TASOR: variants seen among roughly 807,000 people sequenced by gnomAD.
The protein encoded by TASOR is protein TASOR.
Under a neutral mutation model 178.6 loss-of-function variants are expected in TASOR, and 53 were observed. The ratio of observed to expected loss-of-function variants is 0.30; its 90% CI spans 0.24 to 0.37. The LOEUF (loss-of-function observed/expected upper bound fraction) is 0.37. TASOR is among the 10% of genes least tolerant of loss of function. The pLI is 1.00. For synonymous variants in TASOR, 713 were observed against 696.2 expected, an observed-to-expected ratio of 1.02 and a Z score of -0.38; for missense variants, 1,815 against 1,971.4, an observed-to-expected ratio of 0.92 and a Z score of 1.50.
At chr3:56,644,201 TGA>T (rs1194629756) in intron 14 of TASOR, among the ~76,000 whole-genome samples, 1 of 152,240 alleles carries the variant, frequency 6.6e-6, no homozygotes, top group African/African-American at 2.4e-5. Context: ...TTAACTTATC[TGA>T]GATGATTTTC....
intron 8 of TASOR, 133 bp downstream of exon 8, chr3:56,663,408 G>C (rs946220349): frequency 2.3e-6 from 1 of 427,570 alleles, no homozygotes; most frequent in African/African-American, 2.1e-5. Flanking sequence ...AACCAAATGC[G>C]CTGATGCTAC....
At chr3:56,651,283 A>G (rs1352902510) in intron 11 of TASOR, among the ~76,000 whole-genome samples, 1 of 151,792 alleles carries the variant, frequency 6.6e-6, no homozygotes, top group African/African-American at 2.4e-5. Context: ...AAAAAAAAAG[A>G]TATTAATCCA....
rs750753132 is a variant in TASOR, at chr3:56,633,716, G to A, written c.3075C>T (p.Tyr1025=). ...ETTERTVLGE[Y]NLFSRKIEEI... is the part of the protein sequence containing the mutation. ...CTTCTATCTTCCTAGAAAAGAGATTGTACTCTCCTAACACTGTCCTCTCTG... is the reference window on the plus strand; with the variant it reads ...CTTCTATCTTCCTAGAAAAGAGATTATACTCTCCTAACACTGTCCTCTCTG... The change falls in exon 18 of 24, where the codon TAC becomes TAT. Residue 1025 remains tyrosine, a synonymous_variant. Transcript: ENST00000683822. 3.7e-6 allele frequency: 6 copies of A among 1,614,072 alleles called. No individual in the cohort carries two copies. The highest frequency in any genetic ancestry group is 2.2e-5 in the South Asian group (2 of 91,074).
Position 56,622,391 on chromosome 3 carries a change from T to C in TASOR, c.*646A>G, listed in dbSNP as rs1333664021. 6.6e-6 allele frequency: 1 copy of C among 152,308 alleles called. No individual in the cohort carries two copies. The highest frequency in any genetic ancestry group is 1.5e-5 in the Non-Finnish European group (1 of 68,002). The allele number at this position is 152,308 out of a possible 1,614,324, so 9.4% of individuals were successfully genotyped here. ...CTTTGATAAACAGAAGCCTATCTTT[T>C]GAAATAAAAAATTTAATTTCATTAA... is the stretch of plus-strand genomic sequence containing the variant. On this transcript the variant is annotated 3_prime_UTR_variant, in exon 24 of 24. Coordinates refer to ENST00000683822, the MANE Select transcript of TASOR (RefSeq NM_001365635.2).
intron 1 of TASOR, among the ~76,000 whole-genome samples, chr3:56,674,171 T>C (rs1256375258): frequency 2.8e-5 from 4 of 143,002 alleles, no homozygotes; most frequent in African/African-American, 2.6e-5. Flanking sequence ...TAACAAAATA[T>C]GCTGTTACTG....
intron 5 of TASOR, among the ~76,000 whole-genome samples, chr3:56,668,957 A>G (rs1460181581): frequency 6.6e-6 from 1 of 152,170 alleles, no homozygotes; most frequent in Non-Finnish European, 1.5e-5. Flanking sequence ...TGTGTGACAG[A>G]GTGAGACTCC....
At position 56,627,874 on chromosome 3, in the gene TASOR, G is replaced by A. The variant is rs1193361638; in HGVS notation, c.3871-133C>T. 6.9e-6 allele frequency: 5 copies of A among 720,962 alleles called. 1 individual carries two copies. The South Asian group carries it at 9.5e-5, about 14-fold the overall frequency. The allele number at this position is 720,962 out of a possible 1,614,324, so 44.7% of individuals were successfully genotyped here. ...TATATTAGTGGATTACCTCTGGAAAGCCACACAAATAATATTCCCAACATT... is the reference window on the plus strand; with the variant it reads ...TATATTAGTGGATTACCTCTGGAAAACCACACAAATAATATTCCCAACATT... On this transcript the variant is annotated intron_variant, in intron 19 of 23. Transcript: ENST00000683822.
At chr3:56,645,671 C>A (rs946233435) in intron 14 of TASOR, among the ~76,000 whole-genome samples, 1 of 151,936 alleles carries the variant, frequency 6.6e-6, no homozygotes, top group Non-Finnish European at 1.5e-5. Flanking sequence ...TTTCTGTCAA[C>A]TAAAACAAAA....
intron 3 of TASOR, 47 bp downstream of exon 3, chr3:56,671,552 AC>A: frequency 1.5e-6 from 2 of 1,343,806 alleles, no homozygotes; most frequent in Non-Finnish European, 2.1e-6. Flanking sequence ...TTAGTAACTT[AC>A]AATGGAAACA....
At chr3:56,657,236 G>C (rs950222288) in intron 11 of TASOR, among the ~76,000 whole-genome samples, 2 of 151,528 alleles carry the variant, frequency 1.3e-5, no homozygotes, top group African/African-American at 2.4e-5. Flanking sequence ...ACTGAGGCAA[G>C]GGAATCACTT....
intron 17 of TASOR, 77 bp from the exon 18 acceptor site, chr3:56,634,043 G>A (rs565337149): frequency 1.7e-6 from 2 of 1,175,438 alleles, no homozygotes; most frequent in African/African-American, 1.6e-5. Flanking sequence ...TAAATTGGGG[G>A]AAAAAAGGGT....
At chr3:56,655,893 C>T (rs898853367) in intron 11 of TASOR, among the ~76,000 whole-genome samples, 2 of 152,186 alleles carry the variant, frequency 1.3e-5, no homozygotes, top group African/African-American at 2.4e-5. Context: ...ACTCACCCTT[C>T]TTATGATGAC....
At position 56,620,315 on chromosome 3, in the gene TASOR, A is replaced by G. The variant is rs2107473078; in HGVS notation, c.*2722T>C. 1 of 154,956 alleles carries G rather than the reference A, an allele frequency of 6.5e-6. No homozygotes were observed. The highest frequency in any genetic ancestry group is 2.4e-5 in the African/African-American group (1 of 41,586). 9.6% of individuals were successfully genotyped at this position (154,956 alleles called of 1,614,324 possible). ...AACATTGACGTACATCCCAAATAGTAATAAATTCAGTATGAAATTATACGC... is the reference window on the plus strand; with the variant it reads ...AACATTGACGTACATCCCAAATAGTGATAAATTCAGTATGAAATTATACGC... On this transcript the variant is annotated 3_prime_UTR_variant, in exon 24 of 24. Transcript: ENST00000683822.
At chr3:56,649,494 T>C (rs1474144289) in intron 11 of TASOR, among the ~76,000 whole-genome samples, 1 of 152,234 alleles carries the variant, frequency 6.6e-6, no homozygotes, top group Non-Finnish European at 1.5e-5. Flanking sequence ...TGTGTTGCCA[T>C]AATCTAACTG....
chr3:56,676,661 CTA>C (rs1559856408), intron 1 of TASOR, among the ~76,000 whole-genome samples: 2 of 152,188 alleles, frequency 1.3e-5, no homozygotes, highest in African/African-American at 4.8e-5. Context: ...CTGCCAATTT[CTA>C]TGAAATGTTA....
Position 56,663,585 on chromosome 3 carries a change from T to A in TASOR, c.1023-13A>T. ...AAAGCTGTTAGATCTACAAATTTTT[T>A]AAAAGAAAAGAAAAACATTACTCAT... is the stretch of plus-strand genomic sequence containing the variant. On this transcript the variant is annotated splice_polypyrimidine_tract_variant and intron_variant, in intron 7 of 23. Transcript: ENST00000683822. The A allele has an allele frequency of 7.8e-7, 1 of 1,289,948 alleles. No homozygotes were observed. The allele number at this position is 1,289,948 out of a possible 1,614,324, so 79.9% of individuals were successfully genotyped here.
At position 56,673,577 on chromosome 3, in the gene TASOR, T is replaced by C. The variant is rs758399400; in HGVS notation, c.477+3A>G. On this transcript the variant is annotated splice_donor_region_variant and intron_variant, in intron 2 of 23. Transcript: ENST00000683822. Reference sequence around the variant, plus strand: ...CTTACAGTAAGTATAATTTAAAACATACCTCCTTTTCCAAAAGCTCATTGT... The same window carrying C: ...CTTACAGTAAGTATAATTTAAAACACACCTCCTTTTCCAAAAGCTCATTGT... The C allele has an allele frequency of 9.7e-6, 15 of 1,540,164 alleles. No homozygotes were observed. The South Asian group carries it at 9.8e-5, about 10-fold the overall frequency.
intron 17 of TASOR, among the ~76,000 whole-genome samples, 172 bp from the exon 18 acceptor site, chr3:56,634,138 T>G (rs1316412736): frequency 6.6e-6 from 1 of 152,244 alleles, no homozygotes; most frequent in Non-Finnish European, 1.5e-5. Flanking sequence ...CTATGTGCCC[T>G]ACTTATGGGA....
intron 1 of TASOR, among the ~76,000 whole-genome samples, chr3:56,676,348 C>A (rs1197739517): frequency 1.3e-5 from 2 of 152,082 alleles, no homozygotes; most frequent in Non-Finnish European, 2.9e-5. Context: ...CAGTAATATA[C>A]GAAACACAAA....
Sources: gnomAD v4.1 joint callset for allele counts (sites outside exome capture counted in the v4.1 genomes callset) on GRCh38, gnomAD v4.1.1 for gene constraint, MANE v1.5 for transcripts, NCBI Gene and HGNC (gene_info 2026-07-23, HGNC 2026-07-21) for gene names.